The following RANBP2 variants were observed in gnomAD, a reference collection of about 807,000 sequenced individuals.
RANBP2 encodes the protein E3 SUMO-protein ligase RanBP2.
A neutral mutation model predicts 303.6 loss-of-function variants in RANBP2; 57 were observed. The ratio of observed to expected loss-of-function variants is 0.19; its 90% confidence interval spans 0.15 to 0.23. The LOEUF is 0.23. RANBP2 is among the 10% of genes least tolerant of loss of function. The probability of loss-of-function intolerance (pLI) is 1.00; values close to 1 mark genes in which losing one functional copy is unlikely to be tolerated. For missense variants in RANBP2, 3,138 were observed against 3,780.8 expected, an observed-to-expected ratio of 0.83 and a Z score of 4.46; for synonymous variants, 1,167 against 1,301.5, an observed-to-expected ratio of 0.90 and a Z score of 2.23.
At chr2:109,207,201 A>G in the RANBP2 span, among the ~76,000 whole-genome samples, 1 of 152,208 alleles carries the variant, frequency 6.6e-6, no homozygotes, top group Non-Finnish European at 1.5e-5. Flanking sequence ...ATCTTGTGCA[A>G]ACAGGTCTGT....
chr2:109,358,024 T>C, the RANBP2 span, among the ~76,000 whole-genome samples: 4 of 152,228 alleles, frequency 2.6e-5, no homozygotes, highest in Non-Finnish European at 4.4e-5. Flanking sequence ...TTCACTGCCC[T>C]GAAAATCCTC....
chr2:109,166,530 C>G, the RANBP2 span, among the ~76,000 whole-genome samples: 1 of 151,750 alleles, frequency 6.6e-6, no homozygotes, highest in South Asian at 2.1e-4. Context: ...TTACAGCTCT[C>G]TCTGCTCAAT....
chr2:109,585,739 A>G, the RANBP2 span: 2 of 1,613,098 alleles, frequency 1.2e-6, no homozygotes, highest in Non-Finnish European at 8.5e-7. Flanking sequence ...AGAATATTAA[A>G]GCAGAAACCT....
At chr2:109,409,205 T>C in the RANBP2 span, among the ~76,000 whole-genome samples, 5 of 152,222 alleles carry the variant, frequency 3.3e-5, no homozygotes, top group Non-Finnish European at 5.9e-5. Flanking sequence ...CTTTCACTTT[T>C]TGGTTCCAGT....
Position 108,722,917 on chromosome 2 carries a change from A to G in RANBP2, c.72+3239A>G, listed in dbSNP as rs1287318477. On this transcript the variant is annotated intron_variant, in intron 1 of 28. Transcript: ENST00000283195. ...AAAAAAGAAAAAAAGAAAAAAAAATATAATTCTTTCTCTAGTTTTTCTTTT... is the reference window on the plus strand; with the variant it reads ...AAAAAAGAAAAAAAGAAAAAAAAATGTAATTCTTTCTCTAGTTTTTCTTTT... Among the ~76,000 whole-genome samples the G allele has an allele frequency of 3.3e-5, 5 of 152,146 alleles. No homozygotes were observed. In the East Asian group the frequency reaches 5.8e-4, roughly 18 times the overall value.
chr2:109,121,591 G>C, the RANBP2 span, among the ~76,000 whole-genome samples: 6 of 152,200 alleles, frequency 3.9e-5, no homozygotes, highest in Admixed American at 3.9e-4. Context: ...TGCAGATGGA[G>C]AGTGTTCTGA....
At chr2:109,315,123 A>G in the RANBP2 span, among the ~76,000 whole-genome samples, 1,233 of 152,308 alleles carry the variant, frequency 8.1e-3, 21 homozygotes, top group African/African-American at 0.028. Flanking sequence ...ATAATGAAGA[A>G]AAAGGAAACC....
At chr2:108,772,413 A>C in intron 21 of RANBP2, 76 bp from the exon 22 acceptor site, 1 of 1,096,348 alleles carries the variant, frequency 9.1e-7, no homozygotes, top group Non-Finnish European at 1.4e-6. Context: ...AGAAATGGTG[A>C]AGTTGGAGGT....
At chr2:109,535,378 C>G in the RANBP2 span, among the ~76,000 whole-genome samples, 3 of 152,200 alleles carry the variant, frequency 2.0e-5, no homozygotes, top group Non-Finnish European at 4.4e-5. Flanking sequence ...TCCCAACTCC[C>G]TCCCAGTCAC....
the RANBP2 span, among the ~76,000 whole-genome samples, chr2:109,214,816 A>G: frequency 6.6e-6 from 1 of 152,172 alleles, no homozygotes; most frequent in Non-Finnish European, 1.5e-5. Context: ...AGCAAGATCT[A>G]TGTATATTGG....
the RANBP2 span, chr2:109,501,614 C>A: frequency 1.3e-6 from 1 of 778,992 alleles, no homozygotes; most frequent in South Asian, 1.4e-5. Flanking sequence ...ACAAGGGGAC[C>A]CTGCAGCGGA....
At chr2:109,371,745 G>T in the RANBP2 span, 2 of 1,429,382 alleles carry the variant, frequency 1.4e-6, no homozygotes, top group African/African-American at 2.8e-5. Context: ...ACTACAGTGG[G>T]GTCACCTGAC....
At chr2:109,100,958 A>G in the RANBP2 span, among the ~76,000 whole-genome samples, 1 of 152,202 alleles carries the variant, frequency 6.6e-6, no homozygotes, top group Non-Finnish European at 1.5e-5. Flanking sequence ...TGAAGAACAA[A>G]AATCCAATGG....
At chr2:109,116,915 G>A in the RANBP2 span, among the ~76,000 whole-genome samples, 1 of 152,230 alleles carries the variant, frequency 6.6e-6, no homozygotes, top group Admixed American at 6.5e-5. Flanking sequence ...CTGTTTGCCT[G>A]GGTAACAGCA....
At chr2:109,632,874 A>G in the RANBP2 span, among the ~76,000 whole-genome samples, 3 of 152,088 alleles carry the variant, frequency 2.0e-5, no homozygotes, top group Non-Finnish European at 2.9e-5. Context: ...CCAAGATGAA[A>G]CACACACTAA....
chr2:109,709,634 C>A, the RANBP2 span, among the ~76,000 whole-genome samples: 3 of 152,344 alleles, frequency 2.0e-5, no homozygotes, highest in South Asian at 4.1e-4. Flanking sequence ...GTAATGCATG[C>A]GATGCCCTTG....
chr2:108,843,876 G>GTGTGTGTGTGTGTGT, the RANBP2 span, among the ~76,000 whole-genome samples: 1 of 13,872 alleles, frequency 7.2e-5, no homozygotes. Flanking sequence ...GTGTGTGTGT[G>GTGTGTGTGTGTGTGT]TGTTTCTTTC....
At chr2:108,850,073 G>A in the RANBP2 span, among the ~76,000 whole-genome samples, 9 of 152,168 alleles carry the variant, frequency 5.9e-5, no homozygotes, top group African/African-American at 1.9e-4. Context: ...AGAGCCAGAT[G>A]GTCCTCGGAA....
chr2:109,034,789 G>C, the RANBP2 span, among the ~76,000 whole-genome samples: 4 of 152,206 alleles, frequency 2.6e-5, no homozygotes, highest in Non-Finnish European at 4.4e-5. Context: ...AACCCTGGGG[G>C]CTTAGGTAAA....
Sources: gnomAD v4.1 joint callset for allele counts (sites outside exome capture counted in the v4.1 genomes callset) on GRCh38, gnomAD v4.1.1 for gene constraint, MANE v1.5 for transcripts, NCBI Gene and HGNC (gene_info 2026-07-23, HGNC 2026-07-21) for gene names.